HMCN1: variants seen among roughly 807,000 people sequenced by gnomAD.
HMCN1 encodes the protein hemicentin 1.
In HMCN1, 321 loss-of-function variants were observed where a neutral mutation model predicts 625.9. The observed-to-expected ratio is 0.51, with a 90% CI of 0.47 to 0.56. HMCN1 has a LOEUF of 0.56. Among genes scored for constraint, HMCN1 ranks in the 20% least tolerant of loss-of-function variants. The probability of loss-of-function intolerance (pLI) is 0.00; values close to 1 mark genes in which losing one functional copy is unlikely to be tolerated. For synonymous variants in HMCN1, 2,425 were observed against 2,417.6 expected (o/e 1.00, Z -0.09); for missense variants, 6,588 against 6,887.3 (o/e 0.96, Z 1.54).
At chr1:185,811,313 T>C (rs1464511755) in intron 1 of HMCN1, among the ~76,000 whole-genome samples, 1 of 152,076 alleles carries the variant, frequency 6.6e-6, no homozygotes, top group East Asian at 1.9e-4. Flanking sequence ...ACTTAATACA[T>C]TGATATAGGG....
chr1:185,835,253 T>C (rs1259229523), intron 1 of HMCN1, among the ~76,000 whole-genome samples: 1 of 152,212 alleles, frequency 6.6e-6, no homozygotes, highest in East Asian at 1.9e-4. Flanking sequence ...TGAAACCCTG[T>C]GTGTGCTATC....
intron 84 of HMCN1, 128 bp downstream of exon 84, chr1:186,130,228 T>G: frequency 2.3e-6 from 3 of 1,286,360 alleles, no homozygotes; most frequent in South Asian, 2.7e-5. Flanking sequence ...ATTTCACAGA[T>G]GTACAAATTC....
At chr1:185,753,735 C>T (rs1489637492) in intron 1 of HMCN1, among the ~76,000 whole-genome samples, 1 of 152,142 alleles carries the variant, frequency 6.6e-6, no homozygotes, top group Non-Finnish European at 1.5e-5. Context: ...TATCAACTTA[C>T]ACCTGTAAGG....
chr1:185,789,510 G>A (rs753400410), intron 1 of HMCN1, among the ~76,000 whole-genome samples: 9 of 152,138 alleles, frequency 5.9e-5, no homozygotes, highest in Non-Finnish European at 1.2e-4. Flanking sequence ...TGATCACTTC[G>A]TGACTTTGTA....
At chr1:186,104,590 C>G (rs1179266184) in intron 69 of HMCN1, among the ~76,000 whole-genome samples, 2 of 152,186 alleles carry the variant, frequency 1.3e-5, no homozygotes, top group Non-Finnish European at 2.9e-5. Context: ...ACCCATTCCC[C>G]TCATGGCAAC....
intron 11 of HMCN1, among the ~76,000 whole-genome samples, chr1:185,950,343 G>T (rs1212616166): frequency 2.0e-5 from 3 of 151,874 alleles, no homozygotes; most frequent in African/African-American, 7.3e-5. Flanking sequence ...TTGTGATTTT[G>T]AGAGCCTCTA....
chr1:186,136,029 A>G (rs1225285647), intron 86 of HMCN1, among the ~76,000 whole-genome samples: 1 of 152,196 alleles, frequency 6.6e-6, no homozygotes, highest in Non-Finnish European at 1.5e-5. Flanking sequence ...TGAGTTAATT[A>G]GCCAGGCGTG....
intron 41 of HMCN1, among the ~76,000 whole-genome samples, chr1:186,048,182 A>G (rs1002653179): frequency 1.3e-5 from 2 of 152,160 alleles, no homozygotes; most frequent in African/African-American, 4.8e-5. Flanking sequence ...ATAACTGCAG[A>G]TGGTCAATGG....
At chr1:185,796,703 C>T (rs1454710468) in intron 1 of HMCN1, among the ~76,000 whole-genome samples, 1 of 152,096 alleles carries the variant, frequency 6.6e-6, no homozygotes, top group Non-Finnish European at 1.5e-5. Flanking sequence ...ACACACTGCA[C>T]ATACATATAT....
intron 96 of HMCN1, among the ~76,000 whole-genome samples, chr1:186,153,107 C>A (rs1242187692): frequency 6.6e-6 from 1 of 152,290 alleles, no homozygotes; most frequent in East Asian, 1.9e-4. Flanking sequence ...TGATGTAAGG[C>A]ATTTGTTTAA....
At chr1:185,870,429 C>G (rs1663537283) in intron 4 of HMCN1, among the ~76,000 whole-genome samples, 1 of 152,268 alleles carries the variant, frequency 6.6e-6, no homozygotes, top group South Asian at 2.1e-4. Context: ...CTGAGCTTCC[C>G]TATCCTTTTT....
At chr1:186,157,823 C>A (rs1010707018) in intron 97 of HMCN1, among the ~76,000 whole-genome samples, 2 of 152,126 alleles carry the variant, frequency 1.3e-5, no homozygotes, top group African/African-American at 4.8e-5. Flanking sequence ...GCCACATTTT[C>A]TTAATCCAGT....
At chr1:185,993,062 G>A (rs903901441) in intron 22 of HMCN1, 120 bp from the exon 23 acceptor site, 2 of 899,738 alleles carry the variant, frequency 2.2e-6, no homozygotes, top group African/African-American at 3.3e-5. Flanking sequence ...GTACATTGCA[G>A]ATGGGAAAAT....
chr1:185,982,438 TTTC>T lies in HMCN1; in HGVS notation c.2790+52_2790+54del, dbSNP rs781737112. The T allele has an allele frequency of 2.6e-6, 4 of 1,559,024 alleles. No individual in the cohort carries two copies. In the Admixed American group the frequency reaches 5.1e-5, roughly 20 times the overall value. ...ATTCACATTCTTTTGTGAGTTTTCTTTTCTTTTTTTTTTTTTTTCTTTGAGACA... is the reference window on the plus strand; with the variant it reads ...ATTCACATTCTTTTGTGAGTTTTCTTTTTTTTTTTTTTTTTCTTTGAGACA... On this transcript the variant is annotated intron_variant, in intron 18 of 106. Coordinates refer to ENST00000271588, the MANE Select transcript of HMCN1 (RefSeq NM_031935.3).
rs910552059 is a variant in HMCN1, at chr1:186,095,325, T to C, written c.10377T>C (p.Thr3459=). 3 of 1,613,678 alleles carry C rather than the reference T, an allele frequency of 1.9e-6. No individual in the cohort carries two copies. The highest frequency in any genetic ancestry group is 2.5e-6 in the Non-Finnish European group (3 of 1,179,850). The change falls in exon 68 of 107, where the codon ACT becomes ACC. Residue 3459 remains threonine, a synonymous_variant. Transcript: ENST00000271588. ...KGSSTSMACI[T]DGTPAPSMAW... is the part of the protein sequence containing the mutation. ...GTTCCACCTCTATGGCATGCATTAC[T>C]GATGGAACCCCAGCTCCCAGTATGG...
At chr1:185,755,458 G>T (rs1655072504) in intron 1 of HMCN1, among the ~76,000 whole-genome samples, 1 of 152,294 alleles carries the variant, frequency 6.6e-6, no homozygotes, top group South Asian at 2.1e-4. Flanking sequence ...ATCTTATCTG[G>T]AAGGCTGTCT....
intron 36 of HMCN1, among the ~76,000 whole-genome samples, chr1:186,034,451 C>A (rs1270502776): frequency 2.0e-5 from 3 of 152,088 alleles, no homozygotes; most frequent in Admixed American, 6.5e-5. Context: ...CTTTAAAATA[C>A]CCCTGGGGAA....
chr1:186,115,464 G>T (rs1330032733), intron 75 of HMCN1, 50 bp downstream of exon 75: 1 of 1,515,958 alleles, frequency 6.6e-7, no homozygotes, highest in South Asian at 1.1e-5. Flanking sequence ...AGTTTGTAAT[G>T]AATCAACATT....
chr1:185,891,508 C>A (rs375100498), intron 4 of HMCN1, among the ~76,000 whole-genome samples: 1 of 146,938 alleles, frequency 6.8e-6, no homozygotes, highest in South Asian at 2.1e-4. Flanking sequence ...CAGGCCTGGT[C>A]GTGACAAAAT....
Sources: allele counts gnomAD v4.1 joint callset (sites outside exome capture counted in the v4.1 genomes callset), GRCh38; gene constraint gnomAD v4.1.1; transcripts MANE v1.5; gene names NCBI Gene and HGNC (gene_info 2026-07-23, HGNC 2026-07-21).